TIAM1: variants seen among roughly 807,000 people sequenced by gnomAD.
TIAM1 encodes the protein rho guanine nucleotide exchange factor TIAM1.
A neutral mutation model predicts 163.5 loss-of-function variants in TIAM1; 65 were observed. That is an observed-to-expected ratio of 0.40 (90% CI 0.33 to 0.49). The LOEUF (loss-of-function observed/expected upper bound fraction) is 0.49. TIAM1 is among the 20% of genes least tolerant of loss of function. TIAM1 has a pLI of 0.77. For missense variants in TIAM1, 1,789 were observed against 2,044.7 expected, an observed-to-expected ratio of 0.87 and a Z score of 2.41; for synonymous variants, 833 against 810.1, an observed-to-expected ratio of 1.03 and a Z score of -0.48.
intron 3 of TIAM1, 25 bp from the exon 4 acceptor site, chr21:31,267,008 G>A: frequency 6.4e-7 from 1 of 1,566,672 alleles, no homozygotes; most frequent in Non-Finnish European, 8.7e-7. Flanking sequence ...GGGGAAAGGG[G>A]AGAATTGAGT....
intron 2 of TIAM1, among the ~76,000 whole-genome samples, chr21:31,409,162 G>A (rs527375092): frequency 6.6e-6 from 1 of 150,684 alleles, no homozygotes; most frequent in East Asian, 2.0e-4. Flanking sequence ...CCAGGCTGGA[G>A]TGCAATGGTG....
chr21:31,141,588 C>T lies in TIAM1; in HGVS notation c.3476-84G>A, dbSNP rs143580759. On this transcript the variant is annotated intron_variant, in intron 20 of 27. Transcript: ENST00000541036. The surrounding 1 kb of genome is among the most constrained non-coding windows in gnomAD (Gnocchi z 4.7). ...AATTTCCCTCCCTTCCTCAGTGACT[C>T]CAAGGTGCCTTTTTGCAGGACTGAG... is the stretch of plus-strand genomic sequence containing the variant. 4,412 of 1,516,858 alleles carry T rather than the reference C, an allele frequency of 2.9e-3. 35 individuals carry two copies. Among genetic ancestry groups the T allele is most frequent in the Middle Eastern group, 0.011 (48 of 4,290 alleles). The allele number at this position is 1,516,858 out of a possible 1,614,324, so 94.0% of individuals were successfully genotyped here.
intron 6 of TIAM1, among the ~76,000 whole-genome samples, chr21:31,238,834 CTTGAT>C (rs1455938712): frequency 6.6e-6 from 1 of 152,142 alleles, no homozygotes; most frequent in Non-Finnish European, 1.5e-5. Flanking sequence ...GAAACATAGG[CTTGAT>C]TTGAGTTGAG....
chr21:31,266,019 T>C lies in TIAM1; in HGVS notation c.954A>G (p.Lys318=). 6.2e-7 allele frequency: 1 copy of C among 1,613,328 alleles called. No homozygotes were observed. The highest frequency in any genetic ancestry group is 8.5e-7 in the Non-Finnish European group (1 of 1,179,430). Residue 318 remains lysine, a synonymous_variant, in exon 4 of 28, where the codon AAA becomes AAG. Coordinates refer to ENST00000541036, the MANE Select transcript of TIAM1 (RefSeq NM_001353694.2). ...ATTTCAATCACTTTACCTGAGTTGT[T>C]TTAGCTCTTCTGCCTTGCATGCTGT... ...HSNSMQGRRA[K]TTQDVNAGEG... is the part of the protein sequence containing the mutation.
chr21:31,485,912 C>T (rs2046256807), intron 1 of TIAM1, among the ~76,000 whole-genome samples: 1 of 152,150 alleles, frequency 6.6e-6, no homozygotes, highest in Non-Finnish European at 1.5e-5. Flanking sequence ...GGTGACGGTC[C>T]AGCTCCAGAA....
At chr21:31,496,459 C>T (rs1197410836) in intron 1 of TIAM1, among the ~76,000 whole-genome samples, 1 of 87,890 alleles carries the variant, frequency 1.1e-5, no homozygotes, top group Non-Finnish European at 2.2e-5. Context: ...AACTCTGTCT[C>T]AAAAAAAAAA....
chr21:31,124,298 A>C, intron 27 of TIAM1: 1 of 452,954 alleles, frequency 2.2e-6, no homozygotes, highest in Non-Finnish European at 3.6e-6. Flanking sequence ...GGCAAAGGGA[A>C]GGCTTGAGGG....
rs34844399 is a variant in TIAM1, at chr21:31,438,179, C to CTTTTTTTTTTTTTT, written c.-369+25790_-369+25803dup. 4.6e-4 allele frequency among the ~76,000 whole-genome samples: 29 copies of CTTTTTTTTTTTTTT among 62,720 alleles called. 4 individuals are homozygous for CTTTTTTTTTTTTTT. The highest frequency in any genetic ancestry group is 1.7e-3 in the African/African-American group (25 of 14,290). 41.1% of individuals were successfully genotyped at this position (62,720 alleles called of 152,430 possible). ...ACATATGTAATTGCGTATTTGTGAT[C>CTTTTTTTTTTTTTT]TTTTTTTTTTTTTTTTTTTTTTTTT... On this transcript the variant is annotated intron_variant, in intron 2 of 28. Transcript: ENST00000286827.
intron 2 of TIAM1, among the ~76,000 whole-genome samples, chr21:31,418,966 T>C (rs2043471384): frequency 6.6e-6 from 1 of 152,154 alleles, no homozygotes; most frequent in African/African-American, 2.4e-5. Flanking sequence ...CCAGTAATCC[T>C]AGGTTGAAGA....
chr21:31,318,459 G>T (rs562316917), intron 2 of TIAM1, among the ~76,000 whole-genome samples: 1 of 152,288 alleles, frequency 6.6e-6, no homozygotes, highest in African/African-American at 2.4e-5. Context: ...AATATCAAGG[G>T]TGAGTGTCCC....
intron 1 of TIAM1, among the ~76,000 whole-genome samples, chr21:31,505,725 G>C (rs551693894): frequency 9.2e-5 from 14 of 152,118 alleles, no homozygotes; most frequent in Admixed American, 4.6e-4. Context: ...TGCCAGGCCG[G>C]GCACGGCATC....
chr21:31,220,948 T>C (rs762961382), intron 8 of TIAM1, among the ~76,000 whole-genome samples: 118 of 152,334 alleles, frequency 7.7e-4, no homozygotes, highest in Non-Finnish European at 1.3e-3. Flanking sequence ...CTCAGCATTA[T>C]GGGAAGCTTT....
intron 1 of TIAM1, among the ~76,000 whole-genome samples, chr21:31,558,772 T>C (rs942013451): frequency 6.6e-6 from 1 of 152,010 alleles, no homozygotes; most frequent in Non-Finnish European, 1.5e-5. Flanking sequence ...GAAAGCCCGA[T>C]CGGGGGGAGC....
At position 31,446,650 on chromosome 21, in the gene TIAM1, C is replaced by T. The variant is rs528073747; in HGVS notation, c.-369+17333G>A. On this transcript the variant is annotated intron_variant, in intron 2 of 28. Transcript: ENST00000286827. ...CACAAAGCTTATGTCCCTGACATAA[C>T]GATGGGAGACAGTCACTCACCACAA... is the stretch of plus-strand genomic sequence containing the variant. 1.2e-3 allele frequency among the ~76,000 whole-genome samples: 186 copies of T among 152,206 alleles called. 3 individuals carry two copies. The highest frequency in any genetic ancestry group is 3.9e-3 in the Admixed American group (59 of 15,284).
Position 31,147,035 on chromosome 21 carries a change from G to A in TIAM1, c.3367-32C>T, listed in dbSNP as rs185848724. The A allele has an allele frequency of 1.5e-3, 2,347 of 1,581,728 alleles. 17 individuals carry two copies. The highest frequency in any genetic ancestry group is 8.5e-4 in the Non-Finnish European group (981 of 1,151,114). ...TTGACGAGAAAAGGCACAGTTGGTTGTTTCCTTCCTCCACTGGAAATATCA... is the reference window on the plus strand; with the variant it reads ...TTGACGAGAAAAGGCACAGTTGGTTATTTCCTTCCTCCACTGGAAATATCA... On this transcript the variant is annotated intron_variant, in intron 19 of 27. Coordinates refer to ENST00000541036, the MANE Select transcript of TIAM1 (RefSeq NM_001353694.2).
At chr21:31,409,016 G>C (rs1220672027) in intron 2 of TIAM1, among the ~76,000 whole-genome samples, 2 of 152,002 alleles carry the variant, frequency 1.3e-5, no homozygotes, top group South Asian at 2.1e-4. Flanking sequence ...GGCTTCATCA[G>C]TGCGGTGGGT....
At chr21:31,257,272 C>G (rs1361562855) in intron 4 of TIAM1, among the ~76,000 whole-genome samples, 1 of 152,088 alleles carries the variant, frequency 6.6e-6, no homozygotes, top group African/African-American at 2.4e-5. Context: ...TCCAACAACC[C>G]ATTCCTTTTC....
At chr21:31,535,383 A>C (rs1315523889) in intron 1 of TIAM1, among the ~76,000 whole-genome samples, 1 of 41,486 alleles carries the variant, frequency 2.4e-5, no homozygotes, top group Non-Finnish European at 5.2e-5. Flanking sequence ...TCCATCTCAA[A>C]AAAAAAAAAA....
At chr21:31,187,163 G>GTT in intron 13 of TIAM1, 76 bp from the exon 14 acceptor site, 7 of 1,295,668 alleles carry the variant, frequency 5.4e-6, no homozygotes, top group African/African-American at 1.5e-5. Flanking sequence ...AGTGCCTGCT[G>GTT]TGAACTAGGT....
Sources: allele counts gnomAD v4.1 joint callset (sites outside exome capture counted in the v4.1 genomes callset), GRCh38; gene constraint gnomAD v4.1.1; non-coding constraint Gnocchi (gnomAD v3.1); transcripts MANE v1.5; gene names NCBI Gene and HGNC (gene_info 2026-07-23, HGNC 2026-07-21).